The following RAPGEF2 variants were observed in gnomAD, a reference collection of about 807,000 sequenced individuals.
RAPGEF2 encodes the protein PDZ domain containing guanine nucleotide exchange factor (GEF) 1.
Under a neutral mutation model 186.7 loss-of-function variants are expected in RAPGEF2, and 54 were observed. The ratio of observed to expected loss-of-function variants is 0.29; its 90% CI spans 0.23 to 0.36. The LOEUF is 0.36. RAPGEF2 is among the 10% of genes least tolerant of loss of function. The probability of loss-of-function intolerance (pLI) is 1.00; values close to 1 mark genes in which losing one functional copy is unlikely to be tolerated. For missense variants in RAPGEF2, 1,532 were observed against 2,045.0 expected (o/e 0.75, Z 4.84); for synonymous variants, 712 against 705.9 (o/e 1.01, Z -0.14).
intron 7 of RAPGEF2, among the ~76,000 whole-genome samples, chr4:159,301,582 A>G (rs957993795): frequency 6.6e-6 from 1 of 152,174 alleles, no homozygotes; most frequent in African/African-American, 2.4e-5. Context: ...GGATAAAAAC[A>G]GTGTTTGCAG....
chr4:159,273,302 A>G (rs1328110820), intron 7 of RAPGEF2, among the ~76,000 whole-genome samples: 2 of 152,244 alleles, frequency 1.3e-5, no homozygotes. Flanking sequence ...GCAACAAATA[A>G]TAGATCTTTT....
At chr4:159,260,697 A>G (rs187376595) in intron 7 of RAPGEF2, among the ~76,000 whole-genome samples, 1 of 152,298 alleles carries the variant, frequency 6.6e-6, no homozygotes, top group African/African-American at 2.4e-5. Flanking sequence ...GCCTGGTACA[A>G]AGTAAGAACT....
intron 4 of RAPGEF2, among the ~76,000 whole-genome samples, chr4:159,225,911 T>G (rs965374451): frequency 3.9e-5 from 6 of 152,306 alleles, no homozygotes; most frequent in African/African-American, 1.2e-4. Flanking sequence ...TGCAGAAATT[T>G]CCTCCTAATC....
At chr4:159,347,527 G>C (rs891560398) in intron 25 of RAPGEF2, among the ~76,000 whole-genome samples, 1 of 152,254 alleles carries the variant, frequency 6.6e-6, no homozygotes, top group Non-Finnish European at 1.5e-5. Context: ...GCTCACGCCT[G>C]TAATCCCAGC....
chr4:159,308,205 G>A (rs529579441), intron 8 of RAPGEF2, among the ~76,000 whole-genome samples: 1 of 152,254 alleles, frequency 6.6e-6, no homozygotes, highest in African/African-American at 2.4e-5. Context: ...ATCTTTGGGT[G>A]TAGATGAAGA....
chr4:159,125,257 C>T (rs968857814), intron 1 of RAPGEF2, among the ~76,000 whole-genome samples: 4 of 152,162 alleles, frequency 2.6e-5, no homozygotes, highest in Non-Finnish European at 1.5e-5. Flanking sequence ...GAAATATTTA[C>T]TACTGTTTTA....
At chr4:159,205,124 G>A (rs1749835967) in intron 3 of RAPGEF2, among the ~76,000 whole-genome samples, 1 of 152,010 alleles carries the variant, frequency 6.6e-6, no homozygotes, top group South Asian at 2.1e-4. Flanking sequence ...GTTCCTCTTG[G>A]GAGTTCATAT....
chr4:159,313,948 G>T (rs1199525915), intron 8 of RAPGEF2, among the ~76,000 whole-genome samples: 2 of 152,192 alleles, frequency 1.3e-5, no homozygotes, highest in African/African-American at 2.4e-5. Context: ...TAGAAAATTT[G>T]CAGGTATCTT....
chr4:159,315,154 A>G, intron 9 of RAPGEF2, among the ~76,000 whole-genome samples: 1 of 152,132 alleles, frequency 6.6e-6, no homozygotes. Flanking sequence ...GCAGTTGGTA[A>G]AATTGTCACA....
intron 4 of RAPGEF2, among the ~76,000 whole-genome samples, chr4:159,225,354 T>C (rs1751922477): frequency 6.6e-6 from 1 of 152,242 alleles, no homozygotes; most frequent in East Asian, 1.9e-4. Context: ...ATAAAATTAC[T>C]GAATTTTGTA....
At chr4:159,178,551 C>CCTTT (rs1554005429) in intron 1 of RAPGEF2, among the ~76,000 whole-genome samples, 1 of 75,470 alleles carries the variant, frequency 1.3e-5, no homozygotes, top group African/African-American at 5.9e-5. Flanking sequence ...ATGTATTATG[C>CCTTT]TTTTTTTTTT....
At chr4:159,324,748 A>G (rs548939406) in intron 11 of RAPGEF2, among the ~76,000 whole-genome samples, 1 of 152,304 alleles carries the variant, frequency 6.6e-6, no homozygotes, top group South Asian at 2.1e-4. Context: ...AAAAGCATCT[A>G]ATAATTGACT....
intron 3 of RAPGEF2, among the ~76,000 whole-genome samples, chr4:159,197,571 G>T (rs1426276030): frequency 6.6e-6 from 1 of 152,212 alleles, no homozygotes. Flanking sequence ...TTCCAGGAGA[G>T]GAAATTGTTC....
intron 8 of RAPGEF2, among the ~76,000 whole-genome samples, chr4:159,311,814 G>C (rs1489095878): frequency 6.6e-6 from 1 of 152,072 alleles, no homozygotes; most frequent in Non-Finnish European, 1.5e-5. Flanking sequence ...GAAATTAGTA[G>C]GTCCCTGAAA....
rs1278340762 is a variant in RAPGEF2 at position 159,330,263 on chromosome 4, A to ATGTGTG, written c.1303-70_1303-69insGTGTGT. On this transcript the variant is annotated intron_variant, in intron 12 of 29. Transcript: ENST00000691494. ...GTCATATATGTGTGTGTGTATATGT[A>ATGTGTG]TATGTGTGTGTGTGTGTGTGTGTGT... 276 of 410,494 alleles carry ATGTGTG rather than the reference A, an allele frequency of 6.7e-4. No homozygotes were observed. The African/African-American group carries it at 8.1e-3, about 12-fold the overall frequency. The allele number at this position is 410,494 out of a possible 1,614,324, so 25.4% of individuals were successfully genotyped here.
rs1037732903 is a variant in RAPGEF2, at chr4:159,189,313, T to G, written c.140+2601T>G. On this transcript the variant is annotated intron_variant, in intron 2 of 29. Coordinates refer to ENST00000691494, the MANE Select transcript of RAPGEF2 (RefSeq NM_001394067.2). Reference sequence around the variant, plus strand: ...CTGCATTGTTACAGAGCAGTTAAAGTAGACATTACTGTGTTGCTGTAAGAT... The same window carrying G: ...CTGCATTGTTACAGAGCAGTTAAAGGAGACATTACTGTGTTGCTGTAAGAT... 3.3e-5 allele frequency among the ~76,000 whole-genome samples: 5 copies of G among 152,238 alleles called. No homozygotes were observed. In the East Asian group the frequency reaches 7.7e-4, roughly 23 times the overall value.
intron 3 of RAPGEF2, among the ~76,000 whole-genome samples, 168 bp downstream of exon 3, chr4:159,193,424 C>G (rs1005743780): frequency 1.3e-5 from 2 of 152,146 alleles, no homozygotes; most frequent in African/African-American, 2.4e-5. Context: ...TAAAAGTTTA[C>G]AGTTCTTTCC....
chr4:159,314,495 C>A, intron 8 of RAPGEF2, 96 bp from the exon 9 acceptor site: 3 of 1,100,754 alleles, frequency 2.7e-6, no homozygotes, highest in Non-Finnish European at 3.7e-6. Flanking sequence ...ATAAATATAA[C>A]AAGCATTATT....
At chr4:159,257,499 T>A (rs1272414004) in intron 7 of RAPGEF2, among the ~76,000 whole-genome samples, 1 of 152,144 alleles carries the variant, frequency 6.6e-6, no homozygotes, top group Non-Finnish European at 1.5e-5. Context: ...CAAGTCCCTC[T>A]CACAACACTT....
Sources: gnomAD v4.1 joint callset for allele counts (sites outside exome capture counted in the v4.1 genomes callset) on GRCh38, gnomAD v4.1.1 for gene constraint, MANE v1.5 for transcripts, NCBI Gene and HGNC (gene_info 2026-07-23, HGNC 2026-07-21) for gene names.